Variants in SLC13A3 observed in about 807,000 individuals in gnomAD.
SLC13A3 encodes solute carrier family 13 member 3.
A neutral mutation model predicts 59.0 loss-of-function variants in SLC13A3; 40 were observed. That is an observed-to-expected ratio of 0.68 (90% CI 0.53 to 0.88). The LOEUF is 0.88. Ranked by LOEUF, SLC13A3 falls within the 40% of genes least tolerant of loss-of-function variation. The probability of loss-of-function intolerance (pLI) is 0.00; values close to 1 mark genes in which losing one functional copy is unlikely to be tolerated. For missense variants in SLC13A3, 699 were observed against 783.2 expected (o/e 0.89, Z 1.28); for synonymous variants, 317 against 330.3 (o/e 0.96, Z 0.44).
At chr20:46,641,728 G>A (rs903527628) in intron 1 of SLC13A3, among the ~76,000 whole-genome samples, 6 of 152,152 alleles carry the variant, frequency 3.9e-5, no homozygotes, top group Non-Finnish European at 8.8e-5. Flanking sequence ...TGTAAAATCA[G>A]GTTTTCTAAT....
chr20:46,677,068 C>T (rs903699802), intron 1 of SLC13A3, among the ~76,000 whole-genome samples: 7 of 152,176 alleles, frequency 4.6e-5, no homozygotes, highest in Admixed American at 4.6e-4. Flanking sequence ...CGCCCACCAT[C>T]ATGCCTGGCT....
intron 3 of SLC13A3, among the ~76,000 whole-genome samples, chr20:46,609,673 A>G (rs893341152): frequency 2.0e-5 from 3 of 152,230 alleles, no homozygotes; most frequent in African/African-American, 4.8e-5. Context: ...TAACTGCTCT[A>G]TGAGATCCAT....
chr20:46,578,910 C>T (rs1403051936), intron 9 of SLC13A3, among the ~76,000 whole-genome samples: 1 of 140,314 alleles, frequency 7.1e-6, no homozygotes, highest in East Asian at 2.0e-4. Context: ...TCGTCGTCAT[C>T]ATCATCATCA....
chr20:46,601,625 C>T (rs2062381254), intron 3 of SLC13A3, among the ~76,000 whole-genome samples: 1 of 152,136 alleles, frequency 6.6e-6, no homozygotes, highest in Non-Finnish European at 1.5e-5. Flanking sequence ...GCATGCCATG[C>T]AAAAGAACAA....
chr20:46,679,368 CCAA>C (rs1293273251), intron 1 of SLC13A3, among the ~76,000 whole-genome samples: 1 of 151,970 alleles, frequency 6.6e-6, no homozygotes, highest in South Asian at 2.1e-4. Context: ...ACTAGCCTGG[CCAA>C]CATGTCAAAA....
chr20:46,674,411 TG>T, upstream of SLC13A3, among the ~76,000 whole-genome samples: 1 of 152,298 alleles, frequency 6.6e-6, no homozygotes, highest in Non-Finnish European at 1.5e-5. Flanking sequence ...TGACTAACCC[TG>T]GGTTCTGGGC....
intron 1 of SLC13A3, among the ~76,000 whole-genome samples, chr20:46,622,511 G>A (rs2062625369): frequency 6.6e-6 from 1 of 152,078 alleles, no homozygotes. Context: ...AGGCACTTGA[G>A]CATTTATTTG....
intron 9 of SLC13A3, among the ~76,000 whole-genome samples, chr20:46,576,735 G>A (rs572679691): frequency 7.5e-4 from 114 of 152,282 alleles, no homozygotes; most frequent in Non-Finnish European, 1.2e-3. Flanking sequence ...GGGAGGATGG[G>A]TCTGACTCCT....
At chr20:46,579,683 C>A (rs889086948) in intron 9 of SLC13A3, among the ~76,000 whole-genome samples, 45 of 152,200 alleles carry the variant, frequency 3.0e-4, no homozygotes, top group Admixed American at 2.9e-3. Flanking sequence ...ATTCCATGGA[C>A]CAGACTTAAC....
At chr20:46,682,766 C>A (rs2063159499) in intron 1 of SLC13A3, among the ~76,000 whole-genome samples, 1 of 152,156 alleles carries the variant, frequency 6.6e-6, no homozygotes, top group African/African-American at 2.4e-5. Flanking sequence ...CCAGTGTTTC[C>A]TCCACCATAA....
At chr20:46,584,193 C>T (rs949258386) in intron 8 of SLC13A3, 32 of 985,246 alleles carry the variant, frequency 3.2e-5, no homozygotes, top group South Asian at 2.3e-4. Flanking sequence ...GGGAGTTTTG[C>T]GCACATTAAG....
chr20:46,683,350 A>T (rs1486366314), intron 1 of SLC13A3, among the ~76,000 whole-genome samples: 1 of 152,176 alleles, frequency 6.6e-6, no homozygotes, highest in Non-Finnish European at 1.5e-5. Flanking sequence ...GAGAAGGGCT[A>T]ACTGGGGGCC....
chr20:46,657,399 C>A lies in SLC13A3; in HGVS notation c.-31+12644G>T, dbSNP rs117446074. 1.3e-3 allele frequency among the ~76,000 whole-genome samples: 195 copies of A among 151,854 alleles called. 3 individuals are homozygous for A. In the East Asian group the frequency reaches 0.034, roughly 26 times the overall value. ...AAAAAAAAAAAAAGTCAGTGTGAGA[C>A]CTTCCACTTGTCTTATACAACAAGT... is the stretch of plus-strand genomic sequence containing the variant. On this transcript the variant is annotated intron_variant, in intron 1 of 12. Coordinates refer to the SLC13A3 transcript ENST00000290317.
In SLC13A3 at chr20:46,600,014, G is replaced by A. The variant is rs957838350; in HGVS notation, c.565C>T (p.His189Tyr). 2 of 1,580,734 alleles carry A rather than the reference G, an allele frequency of 1.3e-6. No individual in the cohort carries two copies. Among genetic ancestry groups the A allele is most frequent in the Admixed American group, 1.7e-5 (1 of 59,040 alleles). The change falls in exon 4 of 13, where the codon CAC becomes TAC. Residue 189 changes from histidine (H) to tyrosine (Y), a missense_variant. By Grantham distance (83) the His-to-Tyr change is moderately conservative (BLOSUM62 2). Transcript: ENST00000279027. ...NTAAVRRNGL[H>Y]TVPTEMQFLA... ...AACTGCATCTCCGTGGGCACAGTGT[G>A]TAGGCCGTTTCTCCGCACAGCAGCT... is the stretch of plus-strand genomic sequence containing the variant.
chr20:46,596,542 T>C (rs1468326995), intron 4 of SLC13A3, among the ~76,000 whole-genome samples, 200 bp from the exon 5 acceptor site: 2 of 152,100 alleles, frequency 1.3e-5, no homozygotes, highest in South Asian at 2.1e-4. Context: ...GTCTCAGGTG[T>C]GGGTACAAGG....
intron 8 of SLC13A3, among the ~76,000 whole-genome samples, chr20:46,587,064 A>C (rs2062200635): frequency 6.6e-6 from 1 of 152,254 alleles, no homozygotes; most frequent in Non-Finnish European, 1.5e-5. Context: ...ATTCAAAATC[A>C]AATGGCGGGC....
chr20:46,576,437 T>C (rs2062077213), intron 9 of SLC13A3, among the ~76,000 whole-genome samples: 1 of 152,062 alleles, frequency 6.6e-6, no homozygotes, highest in Admixed American at 6.5e-5. Flanking sequence ...CCTTGACAAG[T>C]GACTTTGCCT....
intron 1 of SLC13A3, among the ~76,000 whole-genome samples, chr20:46,627,470 A>G (rs2062685523): frequency 6.6e-6 from 1 of 152,184 alleles, no homozygotes; most frequent in African/African-American, 2.4e-5. Context: ...CACGAGGACA[A>G]CCACTGCTGC....
intron 9 of SLC13A3, among the ~76,000 whole-genome samples, chr20:46,581,945 G>A (rs2062142991): frequency 6.6e-6 from 1 of 152,142 alleles, no homozygotes; most frequent in South Asian, 2.1e-4. Flanking sequence ...CCACAGCTAA[G>A]CCTCCTTAGA....
Sources: gnomAD v4.1 joint callset for allele counts (sites outside exome capture counted in the v4.1 genomes callset) on GRCh38, gnomAD v4.1.1 for gene constraint, MANE v1.5 for transcripts, NCBI Gene and HGNC (gene_info 2026-07-23, HGNC 2026-07-21) for gene names.